The following ITGB1BP1 variants were observed in gnomAD, a reference collection of about 807,000 sequenced individuals.
The protein encoded by ITGB1BP1 is integrin beta-1-binding protein 1.
In ITGB1BP1, 20 loss-of-function variants were observed where a neutral mutation model predicts 28.0. The observed-to-expected ratio is 0.71, with a 90% CI of 0.50 to 1.04. The LOEUF is 1.04. Ranked by LOEUF, ITGB1BP1 falls within the 50% of genes least tolerant of loss-of-function variation. The pLI is 0.00. For synonymous variants in ITGB1BP1, 103 were observed against 89.5 expected (o/e 1.15, Z -0.85); for missense variants, 228 against 242.5 (o/e 0.94, Z 0.40).
At chr2:9,423,099 CCG>C in intron 1 of ITGB1BP1, 1 of 1,013,908 alleles carries the variant, frequency 9.9e-7, no homozygotes, top group Non-Finnish European at 1.2e-6. Flanking sequence ...AGGAAACGGC[CCG>C]CGGCCGCCCG....
At chr2:9,419,544 C>T (rs1294384662) in intron 1 of ITGB1BP1, among the ~76,000 whole-genome samples, 2 of 152,264 alleles carry the variant, frequency 1.3e-5, no homozygotes, top group African/African-American at 4.8e-5. Flanking sequence ...CTCTATTAAG[C>T]GTAGTTAAGG....
rs1173798339 is a variant in ITGB1BP1 at position 9,407,162 on chromosome 2, C to T, written c.532-257G>A. 1.2e-5 allele frequency: 7 copies of T among 598,236 alleles called. 1 individual carries two copies. The highest frequency in any genetic ancestry group is 4.2e-5 in the South Asian group (2 of 47,846). 37.1% of individuals were successfully genotyped at this position (598,236 alleles called of 1,614,324 possible). A position where few individuals can be genotyped will look rare whatever the true frequency, so the allele number is the denominator to read the frequency against. ...CGCAGTCTAGGAGGGCAACAACGTTCGGAAATGGAAGAAGCCTTCGGCCCC... is the reference window on the plus strand; with the variant it reads ...CGCAGTCTAGGAGGGCAACAACGTTTGGAAATGGAAGAAGCCTTCGGCCCC... On this transcript the variant is annotated intron_variant, in intron 6 of 6. Coordinates refer to ENST00000355346, the MANE Select transcript of ITGB1BP1 (RefSeq NM_004763.5).
chr2:9,415,196 T>C lies in ITGB1BP1; in HGVS notation c.73-940A>G, dbSNP rs1678965069. 6.6e-6 allele frequency among the ~76,000 whole-genome samples: 1 copy of C among 152,036 alleles called. No homozygotes were observed. The highest frequency in any genetic ancestry group is 1.5e-5 in the Non-Finnish European group (1 of 68,002). On this transcript the variant is annotated intron_variant, in intron 2 of 6. Transcript: ENST00000355346. The surrounding 1 kb of genome is among the most constrained non-coding windows in gnomAD (Gnocchi z 4.1). The stretch of plus-strand genomic sequence containing the variant: ...GAGTTCGAGACCAGCCTGGCCAACA[T>C]GGTAAAACCCCGTCTCTACCAAAAA...
In ITGB1BP1 at chr2:9,422,918, G is replaced by C. The variant is rs1475249832; in HGVS notation, c.-36+455C>G. The C allele has an allele frequency of 3.0e-6, 3 of 986,096 alleles. No individual in the cohort carries two copies. The East Asian group carries it at 3.4e-4, about 112-fold the overall frequency. 61.1% of individuals were successfully genotyped at this position (986,096 alleles called of 1,614,324 possible). A position where few individuals can be genotyped will look rare whatever the true frequency, so the allele number is the denominator to read the frequency against. On this transcript the variant is annotated intron_variant, in intron 1 of 6. Coordinates refer to ENST00000355346, the MANE Select transcript of ITGB1BP1 (RefSeq NM_004763.5). ...CGGATGCGGCCAAGCTCGGGGCCTAGGGAGAGCCGGCTCCGAAGTTCCTCC... is the reference window on the plus strand; with the variant it reads ...CGGATGCGGCCAAGCTCGGGGCCTACGGAGAGCCGGCTCCGAAGTTCCTCC...
rs1680153111 is a variant in ITGB1BP1 at position 9,423,388 on chromosome 2, C to T, written c.-51G>A. On this transcript the variant is annotated 5_prime_UTR_variant, in exon 1 of 7. Transcript: ENST00000355346. The stretch of plus-strand genomic sequence containing the variant: ...GGGCGCTCACCTCGCAGCCGCGGGC[C>T]CATCCCCGGGTTGCGGACTTCGGGG... 8.7e-7 allele frequency: 1 copy of T among 1,144,994 alleles called. No homozygotes were observed. 70.9% of individuals were successfully genotyped at this position (1,144,994 alleles called of 1,614,324 possible).
At chr2:9,410,289 TG>T (rs35589730) in intron 4 of ITGB1BP1, among the ~76,000 whole-genome samples, 32,621 of 152,080 alleles carry the variant, frequency 0.21, 4,502 homozygotes, top group Middle Eastern at 0.32. Flanking sequence ...TGGAGTGCAG[TG>T]GTACAATGAT....
chr2:9,421,872 A>T (rs1679914576), intron 1 of ITGB1BP1, among the ~76,000 whole-genome samples: 1 of 152,122 alleles, frequency 6.6e-6, no homozygotes, highest in South Asian at 2.1e-4. Flanking sequence ...GGAGGAAGCC[A>T]GAAAATCATG....
At position 9,410,135 on chromosome 2, in the gene ITGB1BP1, G is replaced by A. The variant is rs530412780; in HGVS notation, c.289-1930C>T. Reference sequence around the variant, plus strand: ...GCTGGAATTATAGGCCTGAGCCACCGCGCCCAGCCCGAGTTCTCTCTTAAA... The same window carrying A: ...GCTGGAATTATAGGCCTGAGCCACCACGCCCAGCCCGAGTTCTCTCTTAAA... On this transcript the variant is annotated intron_variant, in intron 4 of 6. Coordinates refer to ENST00000355346, the MANE Select transcript of ITGB1BP1 (RefSeq NM_004763.5). Among the ~76,000 whole-genome samples the A allele has an allele frequency of 1.6e-4, 25 of 152,208 alleles. 1 individual carries two copies. The highest frequency in any genetic ancestry group is 6.2e-4 in the South Asian group (3 of 4,822).
chr2:9,422,297 G>A (rs1679983882), intron 1 of ITGB1BP1, among the ~76,000 whole-genome samples: 1 of 152,132 alleles, frequency 6.6e-6, no homozygotes, highest in Non-Finnish European at 1.5e-5. Flanking sequence ...AGCACGACAC[G>A]CCAGGTCCTC....
In ITGB1BP1 at chr2:9,423,439, G is replaced by A; in HGVS notation, c.-102C>T. 8.7e-7 allele frequency: 1 copy of A among 1,150,814 alleles called. No homozygotes were observed. Among genetic ancestry groups the A allele is most frequent in the East Asian group, 7.6e-5 (1 of 13,208 alleles). The allele number at this position is 1,150,814 out of a possible 1,614,324, so 71.3% of individuals were successfully genotyped here. On this transcript the variant is annotated 5_prime_UTR_variant, in exon 1 of 7. Coordinates refer to ENST00000355346, the MANE Select transcript of ITGB1BP1 (RefSeq NM_004763.5). ...TCCGCGTGGGAGTGCCGCGGCCTTTGGCGCCCAGGCAGCTACTCCCGTTCC... is the reference window on the plus strand; with the variant it reads ...TCCGCGTGGGAGTGCCGCGGCCTTTAGCGCCCAGGCAGCTACTCCCGTTCC...
At chr2:9,422,708 A>G in intron 1 of ITGB1BP1, 1 of 985,572 alleles carries the variant, frequency 1.0e-6, no homozygotes, top group African/African-American at 1.7e-5. Context: ...TGGGGAGGTG[A>G]CACCCCAACA....
At chr2:9,423,124 TCCGGGGCGACAG>T in intron 1 of ITGB1BP1, 21 of 1,009,222 alleles carry the variant, frequency 2.1e-5, no homozygotes, top group Non-Finnish European at 2.5e-5. Context: ...TTGCCGCCCC[TCCGGGGCGACAG>T]CGGCTCGGGA....
intron 1 of ITGB1BP1, 156 bp downstream of exon 1, chr2:9,423,217 G>A (rs920829101): frequency 1.4e-5 from 15 of 1,094,002 alleles, no homozygotes; most frequent in African/African-American, 3.4e-5. Flanking sequence ...CGGGAGCGCG[G>A]CCCCGCCCGG....
Position 9,409,907 on chromosome 2 carries a change from C to T in ITGB1BP1, c.289-1702G>A, listed in dbSNP as rs570268617. 2.4e-4 allele frequency among the ~76,000 whole-genome samples: 36 copies of T among 147,038 alleles called. 1 individual carries two copies. The highest frequency in any genetic ancestry group is 2.4e-3 in the South Asian group (11 of 4,568). On this transcript the variant is annotated intron_variant, in intron 4 of 6. Coordinates refer to ENST00000355346, the MANE Select transcript of ITGB1BP1 (RefSeq NM_004763.5). ...TTGCCCAGGCTGGAGTGCAATGGCG[C>T]GATCTCGGCTCACTGCAACCTCCAC...
intron 3 of ITGB1BP1, among the ~76,000 whole-genome samples, chr2:9,413,905 A>G (rs1342519016): frequency 6.6e-6 from 1 of 151,920 alleles, no homozygotes; most frequent in Non-Finnish European, 1.5e-5. Context: ...GTATGTATTT[A>G]TTGCCACCCC....
chr2:9,418,844 A>G (rs561888343), intron 1 of ITGB1BP1, 112 bp from the exon 2 acceptor site: 24 of 735,610 alleles, frequency 3.3e-5, no homozygotes, highest in Non-Finnish European at 5.6e-5. Context: ...TGGCACAAAC[A>G]TGGCTCTGCA....
chr2:9,405,037 A>C lies in ITGB1BP1; in HGVS notation c.*1797T>G, dbSNP rs1289974736. 6.6e-6 allele frequency: 1 copy of C among 152,556 alleles called. No homozygotes were observed. The highest frequency in any genetic ancestry group is 1.5e-5 in the Non-Finnish European group (1 of 68,026). 9.5% of individuals were successfully genotyped at this position (152,556 alleles called of 1,614,324 possible). ...CAATCCTCCTGCATCTGTATTTTATAGTCAGCCTTTTGACCACCTGGTGCC... is the reference window on the plus strand; with the variant it reads ...CAATCCTCCTGCATCTGTATTTTATCGTCAGCCTTTTGACCACCTGGTGCC... On this transcript the variant is annotated 3_prime_UTR_variant, in exon 7 of 7. Transcript: ENST00000355346.
chr2:9,406,784 G>GA lies in ITGB1BP1; in HGVS notation c.*49dup, dbSNP rs1395940715. ...GCATAACATTTCAGCATTGCAGTTT[G>GA]AAAACAGCTGAACTTTCAGATGAAG... On this transcript the variant is annotated 3_prime_UTR_variant, in exon 7 of 7. Transcript: ENST00000355346. 1.6e-6 allele frequency: 2 copies of GA among 1,275,452 alleles called. No homozygotes were observed. Among genetic ancestry groups the GA allele is most frequent in the Non-Finnish European group, 2.3e-6 (2 of 870,774 alleles). 79.0% of individuals were successfully genotyped at this position (1,275,452 alleles called of 1,614,324 possible). A position where few individuals can be genotyped will look rare whatever the true frequency, so the allele number is the denominator to read the frequency against.
chr2:9,422,561 G>A, intron 1 of ITGB1BP1: 1 of 985,508 alleles, frequency 1.0e-6, no homozygotes, highest in Non-Finnish European at 1.2e-6. Context: ...TGTACCCCCT[G>A]ATCACAGCGC....
Sources: gnomAD v4.1 joint callset for allele counts (sites outside exome capture counted in the v4.1 genomes callset) on GRCh38, gnomAD v4.1.1 for gene constraint, Gnocchi (gnomAD v3.1) non-coding constraint, MANE v1.5 for transcripts, NCBI Gene and HGNC (gene_info 2026-07-23, HGNC 2026-07-21) for gene names.